The following FUT8 variants were observed in gnomAD, a reference collection of about 807,000 sequenced individuals.
FUT8 encodes the protein fucosyltransferase 8.
In FUT8, 29 loss-of-function variants were observed where a neutral mutation model predicts 71.3. The ratio of observed to expected loss-of-function variants is 0.41; its 90% CI spans 0.30 to 0.55. FUT8 has a LOEUF of 0.55. FUT8 is among the 20% of genes least tolerant of loss of function. FUT8 has a pLI of 0.34. For missense variants in FUT8, 544 were observed against 702.1 expected (o/e 0.77, Z 2.55); for synonymous variants, 254 against 239.3 (o/e 1.06, Z -0.57).
In FUT8 at chr14:65,412,875, C is replaced by T. The variant is rs981867015; in HGVS notation, c.-665C>T. 1.3e-5 allele frequency: 2 copies of T among 157,600 alleles called. No homozygotes were observed. Among genetic ancestry groups the T allele is most frequent in the East Asian group, 1.9e-4 (1 of 5,196 alleles). The allele number at this position is 157,600 out of a possible 1,614,324, so 9.8% of individuals were successfully genotyped here. A position where few individuals can be genotyped will look rare whatever the true frequency, so the allele number is the denominator to read the frequency against. ...GGCCCCCTCCCCATCCCACCCCCGC[C>T]GCCTGGCCCCAGCCGACCCGTCCCT... is the stretch of plus-strand genomic sequence containing the variant. On this transcript the variant is annotated 5_prime_UTR_variant, in exon 1 of 11. Coordinates refer to ENST00000673929, the MANE Select transcript of FUT8 (RefSeq NM_001371533.1).
At chr14:65,514,395 G>T (rs77850643) in intron 2 of FUT8, among the ~76,000 whole-genome samples, 2 of 152,084 alleles carry the variant, frequency 1.3e-5, no homozygotes, top group East Asian at 3.9e-4. Context: ...TGGGCAGTGT[G>T]TCTCTAGAAC....
intron 2 of FUT8, among the ~76,000 whole-genome samples, chr14:65,474,456 A>AAAAAAAAAAAAAAAAC: frequency 6.8e-6 from 1 of 147,898 alleles, no homozygotes; most frequent in South Asian, 2.2e-4. Context: ...AAAAAAAAAA[A>AAAAAAAAAAAAAAAAC]AGCCAGGCGT....
chr14:65,593,491 T>C (rs1196866065), intron 3 of FUT8, among the ~76,000 whole-genome samples: 2 of 152,180 alleles, frequency 1.3e-5, no homozygotes, highest in African/African-American at 2.4e-5. Flanking sequence ...AGAATACCCA[T>C]GTAAGGGAAT....
chr14:65,629,504 G>A lies in FUT8; in HGVS notation c.495G>A (p.Thr165=), dbSNP rs1215643956. 11 of 1,611,762 alleles carry A rather than the reference G, an allele frequency of 6.8e-6. No homozygotes were observed. The highest frequency in any genetic ancestry group is 6.7e-5 in the African/African-American group (5 of 74,824). ...TTTGTTTTAACAGGTCTATAATGAC[G>A]GATCTATACTACCTCAGTCAGACAG... ...DLGHHERSIM[T]DLYYLSQTDG... is the part of the protein sequence containing the mutation. Residue 165 remains threonine, a synonymous_variant, in exon 6 of 11, where the codon ACG becomes ACA. Coordinates refer to ENST00000673929, the MANE Select transcript of FUT8 (RefSeq NM_001371533.1).
chr14:65,392,933 G>A, the FUT8 span, among the ~76,000 whole-genome samples: 1 of 152,136 alleles, frequency 6.6e-6, no homozygotes, highest in East Asian at 1.9e-4. Context: ...CGATACCTGG[G>A]GCGTACTGAA....
chr14:65,437,380 T>G (rs1466866152), intron 1 of FUT8, among the ~76,000 whole-genome samples: 1 of 152,204 alleles, frequency 6.6e-6, no homozygotes, highest in Non-Finnish European at 1.5e-5. Context: ...GTTAGCTGTT[T>G]AGTATTGTTT....
At chr14:65,586,409 C>CA (rs1415362085) in intron 3 of FUT8, among the ~76,000 whole-genome samples, 2 of 152,270 alleles carry the variant, frequency 1.3e-5, no homozygotes, top group East Asian at 3.9e-4. Flanking sequence ...CAAATACCCT[C>CA]AGTCTCTCTT....
intron 3 of FUT8, among the ~76,000 whole-genome samples, chr14:65,580,956 T>C (rs1887059137): frequency 6.6e-6 from 1 of 152,100 alleles, no homozygotes; most frequent in South Asian, 2.1e-4. Flanking sequence ...TTCTCAAAGT[T>C]GGTAGTGCTT....
intron 1 of FUT8, among the ~76,000 whole-genome samples, chr14:65,421,414 T>C (rs771388179): frequency 1.3e-5 from 2 of 152,138 alleles, no homozygotes; most frequent in Non-Finnish European, 1.5e-5. Context: ...TGTAACTTTA[T>C]GGCAATACGT....
chr14:65,641,650 T>C (rs1192818140), intron 6 of FUT8, among the ~76,000 whole-genome samples: 1 of 152,180 alleles, frequency 6.6e-6, no homozygotes. Flanking sequence ...AGACTTTTAG[T>C]TCTCATATAC....
intron 1 of FUT8, among the ~76,000 whole-genome samples, chr14:65,452,667 C>T (rs2065845183): frequency 6.6e-6 from 1 of 152,108 alleles, no homozygotes; most frequent in African/African-American, 2.4e-5. Flanking sequence ...TCAATACATG[C>T]CTGTAAGGAA....
intron 7 of FUT8, among the ~76,000 whole-genome samples, chr14:65,692,589 G>A (rs1219892210): frequency 3.3e-5 from 5 of 149,972 alleles, no homozygotes; most frequent in Admixed American, 6.6e-5. Flanking sequence ...CGGACGGGGC[G>A]GCTGGCTGGG....
intron 3 of FUT8, among the ~76,000 whole-genome samples, chr14:65,598,412 G>A (rs139502975): frequency 1.1e-4 from 17 of 152,140 alleles, no homozygotes; most frequent in Admixed American, 4.6e-4. Context: ...TAATAGAGAC[G>A]GGGTTTCGCC....
At chr14:65,736,325 T>C (rs1566924213) in intron 10 of FUT8, among the ~76,000 whole-genome samples, 1 of 151,734 alleles carries the variant, frequency 6.6e-6, no homozygotes, top group Non-Finnish European at 1.5e-5. Context: ...CTCTATAGTA[T>C]TTATTTTGCA....
chr14:65,443,407 C>T (rs912893410), intron 1 of FUT8, among the ~76,000 whole-genome samples: 15 of 80,516 alleles, frequency 1.9e-4, no homozygotes, highest in African/African-American at 6.7e-4. Flanking sequence ...GAGACTCCAT[C>T]TCAAAAAAAA....
At chr14:65,527,202 A>G (rs908631593) in intron 2 of FUT8, among the ~76,000 whole-genome samples, 11 of 152,186 alleles carry the variant, frequency 7.2e-5, no homozygotes, top group East Asian at 3.8e-4. Flanking sequence ...AGGTATGCCA[A>G]TCAGACGTAG....
Position 65,413,645 on chromosome 14 carries a change from C to G in FUT8, c.-326+431C>G, listed in dbSNP as rs1164076463. 6.6e-6 allele frequency among the ~76,000 whole-genome samples: 1 copy of G among 152,178 alleles called. No individual in the cohort carries two copies. The highest frequency in any genetic ancestry group is 2.4e-5 in the African/African-American group (1 of 41,446). ...GTCGCGGTTTGTGGGGAGGAAGATG[C>G]CCGTGCGTTATGGGCTCTTTCTGAG... On this transcript the variant is annotated intron_variant, in intron 1 of 10. Transcript: ENST00000673929. The surrounding 1 kb of genome is among the most constrained non-coding windows in gnomAD (Gnocchi z 4.1).
intron 1 of FUT8, among the ~76,000 whole-genome samples, chr14:65,419,703 T>A (rs527419516): frequency 1.3e-5 from 2 of 152,358 alleles, no homozygotes; most frequent in East Asian, 3.9e-4. Flanking sequence ...TTTCTTTTTC[T>A]AAGTTTTAGG....
At chr14:65,488,101 C>T (rs1006299514) in intron 2 of FUT8, among the ~76,000 whole-genome samples, 1 of 152,136 alleles carries the variant, frequency 6.6e-6, no homozygotes, top group African/African-American at 2.4e-5. Flanking sequence ...AGATTAGGGG[C>T]GTGAGCTACC....
Sources: allele counts gnomAD v4.1 joint callset (sites outside exome capture counted in the v4.1 genomes callset), GRCh38; gene constraint gnomAD v4.1.1; non-coding constraint Gnocchi (gnomAD v3.1); transcripts MANE v1.5; gene names NCBI Gene and HGNC (gene_info 2026-07-23, HGNC 2026-07-21).